ENOX1: variants seen among roughly 807,000 people sequenced by gnomAD.
The protein encoded by ENOX1 is candidate growth-related and time keeping constitutive hydroquinone (NADH) oxidase.
Under a neutral mutation model 82.5 loss-of-function variants are expected in ENOX1, and 42 were observed. The observed-to-expected ratio is 0.51, with a 90% confidence interval of 0.40 to 0.66. ENOX1 has a LOEUF of 0.66. ENOX1 is among the 30% of genes least tolerant of loss of function. The pLI, the probability that ENOX1 is intolerant of heterozygous loss-of-function variation, is 0.00. For synonymous variants in ENOX1, 271 were observed against 282.2 expected (o/e 0.96, Z 0.40); for missense variants, 608 against 811.6 (o/e 0.75, Z 3.05).
intron 15 of ENOX1, among the ~76,000 whole-genome samples, chr13:43,235,073 T>G (rs1176837482): frequency 1.3e-5 from 2 of 152,202 alleles, no homozygotes; most frequent in Non-Finnish European, 2.9e-5. Context: ...AATCACACCT[T>G]GGTCACACTG....
At chr13:43,654,656 T>C (rs2084347934) in intron 2 of ENOX1, among the ~76,000 whole-genome samples, 1 of 152,230 alleles carries the variant, frequency 6.6e-6, no homozygotes, top group African/African-American at 2.4e-5. Flanking sequence ...TCCTTCTTGA[T>C]ATCCATTTAA....
intron 9 of ENOX1, among the ~76,000 whole-genome samples, chr13:43,331,765 A>G (rs534675066): frequency 6.6e-6 from 1 of 152,340 alleles, no homozygotes; most frequent in African/African-American, 2.4e-5. Context: ...CAGGATACCC[A>G]GAGGAGCAAG....
At chr13:43,468,850 AT>A (rs1029446230) in intron 3 of ENOX1, among the ~76,000 whole-genome samples, 53 of 152,176 alleles carry the variant, frequency 3.5e-4, no homozygotes, top group Middle Eastern at 3.4e-3. Context: ...ATTCCTAAGC[AT>A]TTTTTATTGA....
chr13:43,445,807 C>G (rs1046177236), intron 3 of ENOX1, among the ~76,000 whole-genome samples: 4 of 152,170 alleles, frequency 2.6e-5, no homozygotes, highest in Non-Finnish European at 4.4e-5. Context: ...TCAGGCAGCC[C>G]CTTCCTGGGA....
intron 1 of ENOX1, among the ~76,000 whole-genome samples, chr13:43,710,582 A>T (rs1169647604): frequency 6.6e-6 from 1 of 152,192 alleles, no homozygotes. Context: ...AAAAGAAATC[A>T]GAAGGATAAT....
intron 2 of ENOX1, among the ~76,000 whole-genome samples, chr13:43,662,465 G>A (rs2084782398): frequency 6.6e-6 from 1 of 152,120 alleles, no homozygotes; most frequent in African/African-American, 2.4e-5. Flanking sequence ...GGCTTTCTAA[G>A]TATCTTCTTC....
At chr13:43,740,168 C>A (rs962994315) in intron 1 of ENOX1, among the ~76,000 whole-genome samples, 1 of 152,126 alleles carries the variant, frequency 6.6e-6, no homozygotes, top group Non-Finnish European at 1.5e-5. Context: ...GTTAGAAGAG[C>A]GACATTTCTG....
chr13:43,318,992 T>G (rs2047665277), intron 11 of ENOX1, among the ~76,000 whole-genome samples: 1 of 145,434 alleles, frequency 6.9e-6, no homozygotes, highest in Non-Finnish European at 1.5e-5. Flanking sequence ...AGGAAGGGAG[T>G]GGAAAAGGGT....
chr13:43,217,891 G>A (rs2041571732), intron 16 of ENOX1, among the ~76,000 whole-genome samples: 1 of 152,160 alleles, frequency 6.6e-6, no homozygotes, highest in Admixed American at 6.5e-5. Flanking sequence ...GAGAGGATGT[G>A]ATAGGTCTTT....
At chr13:43,423,019 A>C (rs2055066026) in intron 3 of ENOX1, among the ~76,000 whole-genome samples, 1 of 152,194 alleles carries the variant, frequency 6.6e-6, no homozygotes, top group Non-Finnish European at 1.5e-5. Context: ...TCCAGAAGCC[A>C]CTGGAGATCT....
intron 3 of ENOX1, among the ~76,000 whole-genome samples, chr13:43,414,426 T>C (rs551545826): frequency 6.6e-6 from 1 of 152,336 alleles, no homozygotes; most frequent in South Asian, 2.1e-4. Context: ...CCCACTATAC[T>C]ATCCAAATGA....
chr13:43,780,938 C>T (rs1952221113), intron 1 of ENOX1, among the ~76,000 whole-genome samples: 1 of 152,202 alleles, frequency 6.6e-6, no homozygotes, highest in Non-Finnish European at 1.5e-5. Flanking sequence ...TGGATAATTA[C>T]ATTGGGGCCA....
chr13:43,433,366 A>G (rs1481671277), intron 3 of ENOX1, among the ~76,000 whole-genome samples: 1 of 152,122 alleles, frequency 6.6e-6, no homozygotes, highest in Non-Finnish European at 1.5e-5. Flanking sequence ...TTCATGAGGG[A>G]TCTAATCCCA....
intron 4 of ENOX1, 106 bp downstream of exon 4, chr13:43,412,739 G>A: frequency 7.7e-7 from 1 of 1,296,880 alleles, no homozygotes; most frequent in Non-Finnish European, 1.1e-6. Context: ...TTTCTTTATG[G>A]GCCCAGGCTC....
chr13:43,580,111 G>C (rs992600420), intron 2 of ENOX1, among the ~76,000 whole-genome samples: 1 of 152,162 alleles, frequency 6.6e-6, no homozygotes, highest in African/African-American at 2.4e-5. Flanking sequence ...ATGAGTCAAT[G>C]GGCTTCTACA....
chr13:43,335,039 A>C (rs1247709000), intron 9 of ENOX1, among the ~76,000 whole-genome samples: 1 of 152,156 alleles, frequency 6.6e-6, no homozygotes, highest in Non-Finnish European at 1.5e-5. Context: ...TCCCAAGGCA[A>C]AGGGGGCTAG....
chr13:43,443,722 C>T (rs1420549391), intron 3 of ENOX1, among the ~76,000 whole-genome samples: 1 of 152,066 alleles, frequency 6.6e-6, no homozygotes, highest in African/African-American at 2.4e-5. Context: ...AGGCAACCTG[C>T]ATGTAGGGAG....
intron 3 of ENOX1, among the ~76,000 whole-genome samples, chr13:43,433,222 C>T (rs1364374869): frequency 6.6e-6 from 1 of 152,064 alleles, no homozygotes; most frequent in Non-Finnish European, 1.5e-5. Context: ...GGGAAGTGAA[C>T]ATGTGTGAAG....
At chr13:43,312,607 C>T (rs893175459) in intron 11 of ENOX1, among the ~76,000 whole-genome samples, 1 of 152,244 alleles carries the variant, frequency 6.6e-6, no homozygotes. Context: ...CCAAAGGAAA[C>T]ACATAACACA....
Sources: gnomAD v4.1 joint callset for allele counts (sites outside exome capture counted in the v4.1 genomes callset) on GRCh38, gnomAD v4.1.1 for gene constraint, MANE v1.5 for transcripts, NCBI Gene and HGNC (gene_info 2026-07-23, HGNC 2026-07-21) for gene names.